The following ACSL5 variants were observed in gnomAD, a reference collection of about 807,000 sequenced individuals.
ACSL5 encodes acyl-CoA synthetase long chain family member 5, also known as long-chain-fatty-acid--CoA ligase 5.
ACSL5 carries 50 observed loss-of-function variants against 84.9 expected under a neutral mutation model. The ratio of observed to expected loss-of-function variants is 0.59; its 90% CI spans 0.47 to 0.75. ACSL5 has a LOEUF of 0.75. Among genes scored for constraint, ACSL5 ranks in the 30% least tolerant of loss-of-function variants. The pLI, the probability that ACSL5 is intolerant of heterozygous loss-of-function variation, is 0.00. For synonymous variants in ACSL5, 280 were observed against 300.7 expected, an observed-to-expected ratio of 0.93 and a Z score of 0.71; for missense variants, 775 against 830.4, an observed-to-expected ratio of 0.93 and a Z score of 0.82.
chr10:112,395,095 G>C lies in ACSL5; in HGVS notation c.149G>C (p.Gly50Ala). The change falls in exon 2 of 21, where the codon GGA (glycine) becomes GCA (alanine). Residue 50 changes from glycine (G) to alanine (A), a missense_variant. By Grantham distance (60) the Gly-to-Ala change is moderately conservative. Transcript: ENST00000354655. The part of the protein sequence containing the change: ...PLLDLNNQSV[G>A]IEGGARKGVS... ...CTTGACCTGAACAATCAGTCTGTGG[G>C]AATTGAGGTAATTTACCAGTCATCC... The C allele has an allele frequency of 6.2e-7, 1 of 1,611,726 alleles. No homozygotes were observed. The highest frequency in any genetic ancestry group is 8.5e-7 in the Non-Finnish European group (1 of 1,178,310).
In ACSL5 at chr10:112,421,978, C is replaced by T. The variant is rs548491242; in HGVS notation, c.1419C>T (p.Tyr473=). The T allele has an allele frequency of 4.3e-5, 70 of 1,614,150 alleles. 1 individual carries two copies. The highest frequency in any genetic ancestry group is 2.8e-4 in the Admixed American group (17 of 60,016). ...GHVGVPLACN[Y]VKLEDVADMN... is the part of the protein sequence containing the mutation. ...TTGGGGTGCCCCTGGCTTGCAATTA[C>T]GTGAAGCTGGAAGATGTGGCTGACA... Residue 473 remains tyrosine, a synonymous_variant, in exon 16 of 21, where the codon TAC becomes TAT. Coordinates refer to ENST00000354655, the MANE Select transcript of ACSL5 (RefSeq NM_203379.2).
Position 112,427,370 on chromosome 10 carries a change from T to A in ACSL5, c.*12T>A. On this transcript the variant is annotated 3_prime_UTR_variant, in exon 21 of 21. Transcript: ENST00000354655. Reference sequence around the variant, plus strand: ...ACATCCAGGATTAGGATAAGGTACTTAAGTACCTGCCGGCCCACTGTGCAC... The same window carrying A: ...ACATCCAGGATTAGGATAAGGTACTAAAGTACCTGCCGGCCCACTGTGCAC... 6.2e-7 allele frequency: 1 copy of A among 1,606,172 alleles called. No homozygotes were observed. Among genetic ancestry groups the A allele is most frequent in the Non-Finnish European group, 8.5e-7 (1 of 1,176,560 alleles).
chr10:112,379,812 C>T (rs571647149), intron 1 of ACSL5, among the ~76,000 whole-genome samples: 119 of 152,190 alleles, frequency 7.8e-4, no homozygotes, highest in Non-Finnish European at 1.5e-3. Context: ...GCAATGACAC[C>T]GTTGACAAGA....
At chr10:112,419,102 C>CTGTGTGTGTG (rs57261585) in intron 14 of ACSL5, among the ~76,000 whole-genome samples, 5,516 of 146,478 alleles carry the variant, frequency 0.038, 127 homozygotes, top group South Asian at 0.058. Context: ...CACAATGTAT[C>CTGTGTGTGTG]TGTGTGTGTG....
At chr10:112,409,786 G>T in intron 7 of ACSL5, 101 bp downstream of exon 7, 1 of 1,219,288 alleles carries the variant, frequency 8.2e-7, no homozygotes, top group Non-Finnish European at 1.2e-6. Context: ...GTTCTCCAGG[G>T]GTGGCACGTG....
At chr10:112,411,349 C>T (rs956005987) in intron 9 of ACSL5, 107 bp from the exon 10 acceptor site, 4 of 893,174 alleles carry the variant, frequency 4.5e-6, no homozygotes, top group Non-Finnish European at 5.4e-6. Context: ...ACAGGAAATG[C>T]TCTTGGCCTT....
chr10:112,376,295 C>G lies in ACSL5; in HGVS notation c.-30+2026C>G, dbSNP rs752922649. ...GGGCAGAACTGGGGACACTCTGGGC[C>G]GGCCTTCTGCCTGCATGGACGCTCT... is the stretch of plus-strand genomic sequence containing the variant. On this transcript the variant is annotated intron_variant, in intron 1 of 20. Coordinates refer to ENST00000354655, the MANE Select transcript of ACSL5 (RefSeq NM_203379.2). 5.6e-6 allele frequency: 9 copies of G among 1,614,084 alleles called. No homozygotes were observed. In the Admixed American group the frequency reaches 1.5e-4, roughly 27 times the overall value.
chr10:112,387,833 AT>A lies in ACSL5; in HGVS notation c.-29-7078del, dbSNP rs751205716. Among the ~76,000 whole-genome samples the A allele has an allele frequency of 4.5e-4, 68 of 152,140 alleles. 1 individual carries two copies. Among genetic ancestry groups the A allele is most frequent in the Middle Eastern group, 6.8e-3 (2 of 294 alleles). ...ATTAAATACAAATTAATGAAGGCAG[AT>A]TTTTTTAAAGCTTATAATTGCAATT... is the stretch of plus-strand genomic sequence containing the variant. On this transcript the variant is annotated intron_variant, in intron 1 of 20. Coordinates refer to ENST00000354655, the MANE Select transcript of ACSL5 (RefSeq NM_203379.2).
At chr10:112,421,099 C>G (rs1428500288) in intron 14 of ACSL5, among the ~76,000 whole-genome samples, 1 of 152,100 alleles carries the variant, frequency 6.6e-6, no homozygotes, top group East Asian at 1.9e-4. Context: ...GGCCAGAAGG[C>G]TTGGTAGTAA....
intron 1 of ACSL5, among the ~76,000 whole-genome samples, chr10:112,374,655 A>G (rs1422451459): frequency 2.6e-5 from 4 of 152,192 alleles, no homozygotes; most frequent in South Asian, 4.1e-4. Context: ...CCCATTTGGC[A>G]GACAGAGAGG....
At chr10:112,417,692 G>A (rs1232620939) in intron 13 of ACSL5, among the ~76,000 whole-genome samples, 154 bp from the exon 14 acceptor site, 2 of 152,168 alleles carry the variant, frequency 1.3e-5, no homozygotes, top group African/African-American at 4.8e-5. Flanking sequence ...CTACAATCCA[G>A]ACTGTATTCT....
chr10:112,397,462 GC>G (rs1178939037), intron 2 of ACSL5, among the ~76,000 whole-genome samples: 4 of 152,040 alleles, frequency 2.6e-5, no homozygotes, highest in Non-Finnish European at 5.9e-5. Context: ...GAGCCACAGC[GC>G]CCAGCCAGCT....
intron 1 of ACSL5, among the ~76,000 whole-genome samples, chr10:112,379,939 C>T (rs1489356722): frequency 6.6e-6 from 1 of 152,198 alleles, no homozygotes; most frequent in Non-Finnish European, 1.5e-5. Context: ...AACCTCTTGC[C>T]TCACCCTGGC....
At chr10:112,374,720 G>A (rs1016164411) in intron 1 of ACSL5, among the ~76,000 whole-genome samples, 2 of 152,268 alleles carry the variant, frequency 1.3e-5, no homozygotes, top group South Asian at 2.1e-4. Flanking sequence ...GGTAGATTAT[G>A]TATGTTACTT....
intron 14 of ACSL5, among the ~76,000 whole-genome samples, chr10:112,421,359 C>T (rs957402534): frequency 1.3e-5 from 2 of 151,994 alleles, no homozygotes; most frequent in Non-Finnish European, 2.9e-5. Flanking sequence ...TGGGGTTTCA[C>T]CATGTTGGCC....
intron 17 of ACSL5, among the ~76,000 whole-genome samples, chr10:112,423,153 A>AAG (rs1844526347): frequency 8.6e-6 from 1 of 116,686 alleles, no homozygotes; most frequent in Non-Finnish European, 1.7e-5. Flanking sequence ...ACACCACTGC[A>AAG]CTCCAGCCTG....
At chr10:112,422,168 A>G in intron 16 of ACSL5, 133 bp downstream of exon 16, 3 of 1,151,728 alleles carry the variant, frequency 2.6e-6, no homozygotes, top group Non-Finnish European at 3.8e-6. Flanking sequence ...TCTGAACTTC[A>G]CTTTCCTATC....
chr10:112,426,212 A>G, intron 18 of ACSL5, 46 bp from the exon 19 acceptor site: 3 of 1,486,100 alleles, frequency 2.0e-6, no homozygotes, highest in Non-Finnish European at 2.8e-6. Flanking sequence ...GGACATCCCT[A>G]CATAACTTCT....
chr10:112,427,630 TTC>T lies in ACSL5; in HGVS notation c.*274_*275del, dbSNP rs1213929346. The T allele has an allele frequency of 1.6e-5, 4 of 245,144 alleles. No homozygotes were observed. Among genetic ancestry groups the T allele is most frequent in the Non-Finnish European group, 2.3e-5 (3 of 128,996 alleles). The allele number at this position is 245,144 out of a possible 1,614,324, so 15.2% of individuals were successfully genotyped here. A position where few individuals can be genotyped will look rare whatever the true frequency, so the allele number is the denominator to read the frequency against. ...CCTGTCTTCAAGATCCCAGTTTATG[TTC>T]TGTGTCCTTCCTCATGATTTCCAAC... On this transcript the variant is annotated 3_prime_UTR_variant, in exon 21 of 21. Coordinates refer to ENST00000354655, the MANE Select transcript of ACSL5 (RefSeq NM_203379.2).
Sources: gnomAD v4.1 joint callset for allele counts (sites outside exome capture counted in the v4.1 genomes callset) on GRCh38, gnomAD v4.1.1 for gene constraint, MANE v1.5 for transcripts, NCBI Gene and HGNC (gene_info 2026-07-23, HGNC 2026-07-21) for gene names.